Variants in EPB41L5 observed in about 807,000 individuals in gnomAD.
The protein encoded by EPB41L5 is erythrocyte membrane protein band 4.1 like 5.
In EPB41L5, 55 loss-of-function variants were observed where a neutral mutation model predicts 106.6. The ratio of observed to expected loss-of-function variants is 0.52; its 90% CI spans 0.42 to 0.65. The LOEUF (loss-of-function observed/expected upper bound fraction) is 0.65. Among genes scored for constraint, EPB41L5 ranks in the 30% least tolerant of loss-of-function variants. The pLI is 0.00. For missense variants in EPB41L5, 871 were observed against 882.1 expected, an observed-to-expected ratio of 0.99 and a Z score of 0.16; for synonymous variants, 297 against 306.7, an observed-to-expected ratio of 0.97 and a Z score of 0.33.
chr2:120,159,806 G>C (rs1001948162), intron 20 of EPB41L5, among the ~76,000 whole-genome samples: 5 of 152,150 alleles, frequency 3.3e-5, no homozygotes, highest in Admixed American at 1.3e-4. Context: ...ATGGAGAAAG[G>C]CTTCCCTATT....
intron 20 of EPB41L5, among the ~76,000 whole-genome samples, chr2:120,148,273 A>G (rs549870758): frequency 1.3e-5 from 2 of 152,254 alleles, no homozygotes; most frequent in South Asian, 4.1e-4. Flanking sequence ...ACATTGTTTG[A>G]GAATGTTCTA....
At chr2:120,027,375 T>G (rs1678399324) in intron 2 of EPB41L5, among the ~76,000 whole-genome samples, 1 of 152,222 alleles carries the variant, frequency 6.6e-6, no homozygotes, top group South Asian at 2.1e-4. Flanking sequence ...AAATGAAGCG[T>G]ACTGCTAAAA....
At chr2:120,080,311 A>G (rs574457795) in intron 10 of EPB41L5, among the ~76,000 whole-genome samples, 2 of 151,914 alleles carry the variant, frequency 1.3e-5, no homozygotes, top group South Asian at 4.2e-4. Flanking sequence ...CCTGTGTCCA[A>G]GTGTTCTCAT....
At chr2:120,099,415 G>A (rs916085400) in intron 14 of EPB41L5, among the ~76,000 whole-genome samples, 3 of 150,984 alleles carry the variant, frequency 2.0e-5, no homozygotes, top group African/African-American at 7.3e-5. Context: ...GTGGGGATGG[G>A]TACAAACTGA....
In EPB41L5 at chr2:120,164,904, A is replaced by C. The variant is rs1164977542; in HGVS notation, c.1956A>C (p.Ala652=). The C allele has an allele frequency of 1.5e-5, 24 of 1,608,330 alleles. No homozygotes were observed. Among genetic ancestry groups the C allele is most frequent in the Non-Finnish European group, 2.0e-5 (24 of 1,176,988 alleles). ...LTENLIDHTV[A]PQVSSTSMIT... is the part of the protein sequence containing the mutation. ...AGAATCTAATTGATCACACAGTTGC[A>C]CCTCAGGTAAATATGCTTTAAAATA... Residue 652 remains alanine (A), a synonymous_variant, in exon 22 of 25, where the codon GCA becomes GCC. Transcript: ENST00000263713.
At chr2:120,030,281 G>A (rs1052278928) in intron 2 of EPB41L5, among the ~76,000 whole-genome samples, 7 of 152,178 alleles carry the variant, frequency 4.6e-5, no homozygotes, top group African/African-American at 1.7e-4. Flanking sequence ...TAGGGGTCAT[G>A]CAGCCTCTGG....
intron 2 of EPB41L5, among the ~76,000 whole-genome samples, chr2:120,040,409 A>C (rs1380027844): frequency 6.6e-6 from 1 of 152,150 alleles, no homozygotes; most frequent in Admixed American, 6.5e-5. Context: ...ATTTTTTTTG[A>C]GTATGGAGAA....
At chr2:120,171,976 G>C (rs966478717) in intron 24 of EPB41L5, among the ~76,000 whole-genome samples, 2 of 148,606 alleles carry the variant, frequency 1.3e-5, no homozygotes, top group African/African-American at 5.0e-5. Context: ...TTAGAGCGAA[G>C]ATACTGTATC....
chr2:120,167,975 C>A lies in EPB41L5; in HGVS notation c.2103C>A (p.Pro701=). The change falls in exon 24 of 25, where the codon CCC becomes CCA. Residue 701 remains proline, a synonymous_variant. Coordinates refer to ENST00000263713, the MANE Select transcript of EPB41L5 (RefSeq NM_020909.4). ...AAGATGGAATCTCACTGATCTCTCC[C>A]CCAGCGCCATTCTTGGTAGATGCTG... ...GNKDGISLIS[P]PAPFLVDAVT... is the part of the protein sequence containing the mutation. 2 of 1,614,072 alleles carry A rather than the reference C, an allele frequency of 1.2e-6. No individual in the cohort carries two copies. The highest frequency in any genetic ancestry group is 2.2e-5 in the East Asian group (1 of 44,882).
rs150570602 is a variant in EPB41L5 at position 120,171,170 on chromosome 2, G to A, written c.2135+3163G>A. ...AAGAGACCTCAACAAGTTTTGGGAA[G>A]CAGCTAAATGATAAGTGGTAACCAG... On this transcript the variant is annotated intron_variant, in intron 24 of 24. Coordinates refer to ENST00000263713, the MANE Select transcript of EPB41L5 (RefSeq NM_020909.4). Among the ~76,000 whole-genome samples the A allele has an allele frequency of 3.5e-4, 53 of 152,288 alleles. No individual in the cohort carries two copies. The East Asian group carries it at 8.7e-3, about 25-fold the overall frequency.
intron 10 of EPB41L5, among the ~76,000 whole-genome samples, chr2:120,083,801 A>G (rs538022872): frequency 2.1e-4 from 32 of 152,318 alleles, no homozygotes; most frequent in African/African-American, 7.7e-4. Context: ...GGGTGCACAT[A>G]TATTTAGGAT....
intron 16 of EPB41L5, among the ~76,000 whole-genome samples, chr2:120,111,783 T>C (rs1024288661): frequency 6.6e-6 from 1 of 152,158 alleles, no homozygotes; most frequent in Non-Finnish European, 1.5e-5. Flanking sequence ...ATGTCATTTC[T>C]CTGCTTACAC....
In EPB41L5 at chr2:120,173,389, G is replaced by A. The variant is rs147952660; in HGVS notation, c.2136-1452G>A. ...GGGGTCGTGAGGCAGAATCTCTGGA[G>A]ACAGGTTTGTTTAAACATTGGCTGC... On this transcript the variant is annotated intron_variant, in intron 24 of 24. Transcript: ENST00000263713. Among the ~76,000 whole-genome samples, 101 of 152,272 alleles carry A rather than the reference G, an allele frequency of 6.6e-4. 1 individual carries two copies. In the East Asian group the frequency reaches 0.018, roughly 27 times the overall value.
rs1316788391 is a variant in EPB41L5, at chr2:120,167,338, G to A, written c.1963-128G>A. 3 of 734,096 alleles carry A rather than the reference G, an allele frequency of 4.1e-6. No individual in the cohort carries two copies. The South Asian group carries it at 5.7e-5, about 14-fold the overall frequency. The allele number at this position is 734,096 out of a possible 1,614,324, so 45.5% of individuals were successfully genotyped here. ...ATTTAGAAGTCCATGTCAGCTCAAG[G>A]AACACCATTAAGAATTAAGAATTGC... On this transcript the variant is annotated intron_variant, in intron 22 of 24. Coordinates refer to ENST00000263713, the MANE Select transcript of EPB41L5 (RefSeq NM_020909.4).
chr2:120,115,207 T>TTTTAA (rs1684892450), intron 16 of EPB41L5, among the ~76,000 whole-genome samples: 1 of 152,222 alleles, frequency 6.6e-6, no homozygotes, highest in Non-Finnish European at 1.5e-5. Flanking sequence ...TTAATTCATT[T>TTTTAA]TGCCAATCTC....
intron 24 of EPB41L5, among the ~76,000 whole-genome samples, chr2:120,171,563 C>T (rs981621179): frequency 3.3e-5 from 5 of 152,166 alleles, no homozygotes; most frequent in South Asian, 2.1e-4. Context: ...AAATTTCCAA[C>T]GTTCCTTCTT....
At chr2:120,055,637 A>G (rs1223915686) in intron 3 of EPB41L5, among the ~76,000 whole-genome samples, 1 of 151,714 alleles carries the variant, frequency 6.6e-6, no homozygotes, top group Non-Finnish European at 1.5e-5. Flanking sequence ...TTTTAAAACA[A>G]TGTTTTATAG....
intron 16 of EPB41L5, among the ~76,000 whole-genome samples, chr2:120,113,962 G>T (rs113909657): frequency 6.6e-6 from 1 of 152,200 alleles, no homozygotes; most frequent in Non-Finnish European, 1.5e-5. Context: ...ACATTGAGGT[G>T]TAGGTTTTGT....
intron 3 of EPB41L5, among the ~76,000 whole-genome samples, chr2:120,052,545 G>C (rs988937878): frequency 1.3e-5 from 2 of 152,158 alleles, no homozygotes; most frequent in African/African-American, 4.8e-5. Flanking sequence ...TGAACTAATA[G>C]ATTCCTGTTT....
Sources: gnomAD v4.1 joint callset for allele counts (sites outside exome capture counted in the v4.1 genomes callset) on GRCh38, gnomAD v4.1.1 for gene constraint, MANE v1.5 for transcripts, NCBI Gene and HGNC (gene_info 2026-07-23, HGNC 2026-07-21) for gene names.